RTKN2: variants seen among roughly 807,000 people sequenced by gnomAD.
The protein encoded by RTKN2 is rhotekin-2.
In RTKN2, 69 loss-of-function variants were observed where a neutral mutation model predicts 71.5. The ratio of observed to expected loss-of-function variants is 0.96; its 90% confidence interval spans 0.79 to 1.18. RTKN2 has a LOEUF of 1.18. Ranked by LOEUF, RTKN2 falls within the 50% of genes most tolerant of loss-of-function variation. The pLI, the probability that RTKN2 is intolerant of heterozygous loss-of-function variation, is 0.00. For missense variants in RTKN2, 724 were observed against 719.7 expected, an observed-to-expected ratio of 1.01 and a Z score of -0.07; for synonymous variants, 236 against 236.5, an observed-to-expected ratio of 1.00 and a Z score of 0.02.
At chr10:62,192,529 G>C (rs1841239148), downstream of RTKN2, among the ~76,000 whole-genome samples, 1 of 152,138 alleles carries the variant, frequency 6.6e-6, no homozygotes, top group Non-Finnish European at 1.5e-5. Context: ...AGCTGACCTG[G>C]AATTACTCAA....
chr10:62,193,615 C>G lies in RTKN2; in HGVS notation c.*4293G>C, dbSNP rs935452162. The G allele has an allele frequency of 1.4e-5, 14 of 985,238 alleles. No individual in the cohort carries two copies. In the East Asian group the frequency reaches 5.7e-4, roughly 40 times the overall value. The allele number at this position is 985,238 out of a possible 1,614,324, so 61.0% of individuals were successfully genotyped here. On this transcript the variant is annotated 3_prime_UTR_variant, in exon 12 of 12. Coordinates refer to ENST00000373789, the MANE Select transcript of RTKN2 (RefSeq NM_145307.4). ...CCAACTGAGCCAGGATTGCTCATTT[C>G]TCTCCCCCACTCTGAGGCGCTCTGC...
At chr10:62,206,691 T>C (rs1841555828) in intron 9 of RTKN2, among the ~76,000 whole-genome samples, 1 of 152,046 alleles carries the variant, frequency 6.6e-6, no homozygotes, top group Admixed American at 6.6e-5. Context: ...CATAATAGAG[T>C]ATAAAATTAT....
At chr10:62,257,270 C>T (rs1406187289) in intron 2 of RTKN2, among the ~76,000 whole-genome samples, 1 of 152,028 alleles carries the variant, frequency 6.6e-6, no homozygotes, top group African/African-American at 2.4e-5. Flanking sequence ...TCCCTGTTTC[C>T]AAAAGCTTAT....
intron 2 of RTKN2, among the ~76,000 whole-genome samples, chr10:62,257,793 T>C (rs987107944): frequency 1.3e-5 from 2 of 152,164 alleles, no homozygotes; most frequent in African/African-American, 4.8e-5. Context: ...AGTTTACTAG[T>C]CAAAAGTCCA....
rs1841330827 is a variant in RTKN2 at position 62,196,336 on chromosome 10, T to C, written c.*1572A>G. The C allele has an allele frequency of 2.0e-6, 2 of 983,910 alleles. No homozygotes were observed. Among genetic ancestry groups the C allele is most frequent in the South Asian group, 4.7e-5 (1 of 21,260 alleles). 60.9% of individuals were successfully genotyped at this position (983,910 alleles called of 1,614,324 possible). A position where few individuals can be genotyped will look rare whatever the true frequency, so the allele number is the denominator to read the frequency against. ...CTCTACATGCTATCAAGCAGGCATA[T>C]AGTACTTTCTTCTCACCAAAAACTC... is the stretch of plus-strand genomic sequence containing the variant. On this transcript the variant is annotated 3_prime_UTR_variant, in exon 12 of 12. Coordinates refer to ENST00000373789, the MANE Select transcript of RTKN2 (RefSeq NM_145307.4).
chr10:62,197,322 T>G lies in RTKN2; in HGVS notation c.*586A>C, dbSNP rs1214538258. ...TTGAATAGCACATTACAAATTCCCT[T>G]TAAAGATGAAGAATTTAATATTCTA... is the stretch of plus-strand genomic sequence containing the variant. On this transcript the variant is annotated 3_prime_UTR_variant, in exon 12 of 12. Coordinates refer to ENST00000373789, the MANE Select transcript of RTKN2 (RefSeq NM_145307.4). 4.1e-6 allele frequency: 4 copies of G among 984,988 alleles called. No individual in the cohort carries two copies. Among genetic ancestry groups the G allele is most frequent in the Non-Finnish European group, 4.8e-6 (4 of 829,306 alleles). 61.0% of individuals were successfully genotyped at this position (984,988 alleles called of 1,614,324 possible).
At chr10:62,242,325 A>C (rs566365514) in intron 3 of RTKN2, among the ~76,000 whole-genome samples, 25 of 152,174 alleles carry the variant, frequency 1.6e-4, no homozygotes, top group Non-Finnish European at 3.2e-4. Context: ...TATCCAAATT[A>C]ATTTGGGAAC....
Position 62,197,049 on chromosome 10 carries a change from C to T in RTKN2, c.*859G>A, listed in dbSNP as rs1320456443. 2 of 976,750 alleles carry T rather than the reference C, an allele frequency of 2.0e-6. No homozygotes were observed. The highest frequency in any genetic ancestry group is 1.8e-5 in the African/African-American group (1 of 57,112). 60.5% of individuals were successfully genotyped at this position (976,750 alleles called of 1,614,324 possible). On this transcript the variant is annotated 3_prime_UTR_variant, in exon 12 of 12. Transcript: ENST00000373789. Reference sequence around the variant, plus strand: ...AAAAAAGAATTCTGAAAATTATTTACCATGGCCAACTTTTCTGATATTTTT... The same window carrying T: ...AAAAAAGAATTCTGAAAATTATTTATCATGGCCAACTTTTCTGATATTTTT...
At chr10:62,209,978 C>T (rs1287319716) in intron 9 of RTKN2, among the ~76,000 whole-genome samples, 2 of 152,124 alleles carry the variant, frequency 1.3e-5, no homozygotes, top group South Asian at 2.1e-4. Flanking sequence ...TGGGTATATA[C>T]CCAGTAATGG....
intron 9 of RTKN2, among the ~76,000 whole-genome samples, chr10:62,208,115 T>C (rs376651695): frequency 6.6e-6 from 1 of 152,180 alleles, no homozygotes; most frequent in African/African-American, 2.4e-5. Context: ...GAAGTCAATT[T>C]TGTAATAAAA....
At chr10:62,258,411 C>A (rs1248045229) in intron 2 of RTKN2, among the ~76,000 whole-genome samples, 1 of 152,158 alleles carries the variant, frequency 6.6e-6, no homozygotes, top group African/African-American at 2.4e-5. Flanking sequence ...GAGTGAAGAT[C>A]TATTAGAAAA....
chr10:62,184,037 T>C (rs1260207468), exon 9 of RTKN2: 3 of 296,064 alleles, frequency 1.0e-5, no homozygotes, highest in Admixed American at 1.0e-4. Context: ...AGGAGATATA[T>C]TTACCAAAGT....
chr10:62,201,301 T>C (rs1841436695), intron 10 of RTKN2, among the ~76,000 whole-genome samples: 1 of 152,150 alleles, frequency 6.6e-6, no homozygotes, highest in African/African-American at 2.4e-5. Flanking sequence ...TGATAATATA[T>C]GCATAAATTA....
intron 2 of RTKN2, among the ~76,000 whole-genome samples, chr10:62,259,604 T>C (rs1048791652): frequency 6.6e-6 from 1 of 152,200 alleles, no homozygotes; most frequent in African/African-American, 2.4e-5. Context: ...CTGGCTGGAG[T>C]GCTGTGGTGC....
chr10:62,259,128 C>T (rs1842727058), intron 2 of RTKN2: 1 of 434,454 alleles, frequency 2.3e-6, no homozygotes, highest in African/African-American at 2.0e-5. Context: ...CTCCCAAGAT[C>T]TGATGGTTTT....
Position 62,196,452 on chromosome 10 carries a change from A to G in RTKN2, c.*1456T>C. On this transcript the variant is annotated 3_prime_UTR_variant, in exon 12 of 12. Coordinates refer to ENST00000373789, the MANE Select transcript of RTKN2 (RefSeq NM_145307.4). The stretch of plus-strand genomic sequence containing the variant: ...CTTACTAGGAGTCCTGGGCAAACAC[A>G]AAAGTGTCCTGGCAGTTACATCATT... 1.0e-6 allele frequency: 1 copy of G among 985,408 alleles called. No homozygotes were observed. Among genetic ancestry groups the G allele is most frequent in the Non-Finnish European group, 1.2e-6 (1 of 829,906 alleles). 61.0% of individuals were successfully genotyped at this position (985,408 alleles called of 1,614,324 possible).
intron 9 of RTKN2, chr10:62,215,180 T>C: frequency 1.3e-6 from 1 of 751,840 alleles, no homozygotes. Flanking sequence ...TAGTAGGATT[T>C]CATTTTTACT....
At chr10:62,263,873 T>C (rs185901726) in intron 1 of RTKN2, among the ~76,000 whole-genome samples, 217 of 152,310 alleles carry the variant, frequency 1.4e-3, no homozygotes, top group African/African-American at 4.8e-3. Context: ...CATATAATTA[T>C]CTTTTAATGG....
chr10:62,238,283 C>T (rs901116154), intron 5 of RTKN2: 1 of 151,904 alleles, frequency 6.6e-6, no homozygotes. Context: ...AAACAATCAT[C>T]ATAACAAAAA....
Sources: allele counts gnomAD v4.1 joint callset (sites outside exome capture counted in the v4.1 genomes callset), GRCh38; gene constraint gnomAD v4.1.1; transcripts MANE v1.5; gene names NCBI Gene and HGNC (gene_info 2026-07-23, HGNC 2026-07-21).